Variants in CHD6 observed in about 807,000 individuals in gnomAD.
CHD6 encodes the protein ATP-dependent chromatin remodeler CHD6.
CHD6 carries 50 observed loss-of-function variants against 276.9 expected under a neutral mutation model. The observed-to-expected ratio is 0.18, with a 90% CI of 0.14 to 0.23. CHD6 has a LOEUF of 0.23. CHD6 is among the 10% of genes least tolerant of loss of function. CHD6 has a pLI of 1.00. For synonymous variants in CHD6, 1,173 were observed against 1,229.3 expected (o/e 0.95, Z 0.96); for missense variants, 2,564 against 3,365.8 (o/e 0.76, Z 5.89).
intron 34 of CHD6, chr20:41,414,119 G>A (rs1206845043): frequency 1.3e-5 from 2 of 152,304 alleles, no homozygotes; most frequent in Admixed American, 1.3e-4. Flanking sequence ...AAAGGTAAAA[G>A]ACTTCTTAAA....
In CHD6 at chr20:41,580,481, C is replaced by T. The variant is rs2045524343; in HGVS notation, c.-23-29121G>A. On this transcript the variant is annotated intron_variant, in intron 1 of 36. Coordinates refer to ENST00000373233, the MANE Select transcript of CHD6 (RefSeq NM_032221.5). ...ACCATACTGGGCAACATAAGGACGC[C>T]CCATCTCTAAAAAAAAATAAAAAAT... Among the ~76,000 whole-genome samples the T allele has an allele frequency of 2.6e-5, 4 of 151,438 alleles. 1 individual carries two copies. The highest frequency in any genetic ancestry group is 2.0e-4 in the Admixed American group (3 of 15,214).
chr20:41,589,184 C>T (rs2045629598), intron 1 of CHD6, among the ~76,000 whole-genome samples: 1 of 152,214 alleles, frequency 6.6e-6, no homozygotes, highest in Admixed American at 6.5e-5. Flanking sequence ...ATGCTAAAAA[C>T]TCTCAACAAA....
intron 1 of CHD6, among the ~76,000 whole-genome samples, chr20:41,582,214 T>C (rs994501662): frequency 1.3e-5 from 2 of 152,204 alleles, no homozygotes; most frequent in Non-Finnish European, 2.9e-5. Flanking sequence ...TACCTGCTTT[T>C]AAGAAATCAG....
intron 1 of CHD6, chr20:41,563,922 T>C (rs1025120111): frequency 2.9e-5 from 19 of 647,492 alleles, no homozygotes; most frequent in Non-Finnish European, 5.3e-5. Flanking sequence ...AACAACACTC[T>C]ATATATTCAG....
chr20:41,511,610 T>G (rs897957081), intron 5 of CHD6, among the ~76,000 whole-genome samples: 1 of 152,122 alleles, frequency 6.6e-6, no homozygotes, highest in African/African-American at 2.4e-5. Context: ...CTAAAAACCT[T>G]AGGTGATACT....
At chr20:41,439,346 A>T (rs932805441) in intron 26 of CHD6, among the ~76,000 whole-genome samples, 4 of 151,192 alleles carry the variant, frequency 2.6e-5, no homozygotes, top group Non-Finnish European at 4.4e-5. Flanking sequence ...ACAAAGCAAG[A>T]CTCTATCTCG....
At position 41,484,416 on chromosome 20, in the gene CHD6, C is replaced by T; in HGVS notation, c.2193G>A (p.Met731Ile). Residue 731 changes from methionine to isoleucine, a missense_variant, in exon 15 of 37, where the codon ATG becomes ATA. By Grantham distance (10) the Met-to-Ile change is conservative (BLOSUM62 1). Coordinates refer to ENST00000373233, the MANE Select transcript of CHD6 (RefSeq NM_032221.5). ...FLTKGANQHN[M>I]PNLINTMMEL... ...CCATCATGGTGTTGATGAGATTGGG[C>T]ATGTTGTGCTGATTTGCCCCCTTGG... is the stretch of plus-strand genomic sequence containing the variant. 1 of 1,613,836 alleles carries T rather than the reference C, an allele frequency of 6.2e-7. No individual in the cohort carries two copies. Among genetic ancestry groups the T allele is most frequent in the Non-Finnish European group, 8.5e-7 (1 of 1,179,828 alleles).
intron 16 of CHD6, among the ~76,000 whole-genome samples, chr20:41,480,950 T>TA (rs1214626767): frequency 6.6e-6 from 1 of 151,976 alleles, no homozygotes; most frequent in African/African-American, 2.4e-5. Flanking sequence ...GAAGAAGCCA[T>TA]AAACATGAAA....
At chr20:41,410,330 A>G (rs928733637) in intron 36 of CHD6, among the ~76,000 whole-genome samples, 2 of 152,190 alleles carry the variant, frequency 1.3e-5, no homozygotes, top group Non-Finnish European at 2.9e-5. Flanking sequence ...AGAAGACACC[A>G]GTCTGGATGA....
Position 41,415,274 on chromosome 20 carries a change from G to A in CHD6, c.6851C>T (p.Thr2284Met), listed in dbSNP as rs775015472. ...NGSLRRDDAATRRRRGRRKHV... is the reference protein window; with the variant it reads ...NGSLRRDDAAMRRRRGRRKHV... ...TTTCCGCCTCCCTCTCCGCCTCCTC[G>A]TGGCTGCATCATCTCTTCTGAGGCT... Residue 2284 changes from threonine to methionine, a missense_variant, in exon 34 of 37, where the codon ACG (threonine) becomes ATG (methionine). Around this residue, in one of 7 missense-constraint regions of CHD6, gnomAD observed 1,024 missense variants for 1,047.9 expected, o/e 0.98. Coordinates refer to ENST00000373233, the MANE Select transcript of CHD6 (RefSeq NM_032221.5). 1.9e-5 allele frequency: 31 copies of A among 1,614,022 alleles called. No homozygotes were observed. The highest frequency in any genetic ancestry group is 1.3e-5 in the African/African-American group (1 of 74,982).
chr20:41,540,451 T>C lies in CHD6; in HGVS notation c.34-6881A>G, dbSNP rs940956368. Among the ~76,000 whole-genome samples the C allele has an allele frequency of 3.9e-5, 6 of 152,222 alleles. No individual in the cohort carries two copies. In the East Asian group the frequency reaches 7.7e-4, roughly 20 times the overall value. ...CAGAAAAACTTTCATATACATGTAA[T>C]AGAAAAATTTTACAGACTTCTATAA... is the stretch of plus-strand genomic sequence containing the variant. On this transcript the variant is annotated intron_variant, in intron 2 of 36. Coordinates refer to ENST00000373233, the MANE Select transcript of CHD6 (RefSeq NM_032221.5).
intron 1 of CHD6, among the ~76,000 whole-genome samples, chr20:41,556,612 G>A (rs2146171253): frequency 6.6e-6 from 1 of 152,250 alleles, no homozygotes; most frequent in South Asian, 2.1e-4. Flanking sequence ...CTGAATGATG[G>A]CGATGTTACT....
intron 17 of CHD6, among the ~76,000 whole-genome samples, chr20:41,460,663 C>G (rs964581145): frequency 3.9e-5 from 6 of 152,220 alleles, no homozygotes; most frequent in African/African-American, 1.4e-4. Flanking sequence ...GGAACCTCCA[C>G]TTAAATTTTA....
intron 16 of CHD6, among the ~76,000 whole-genome samples, chr20:41,478,674 C>A (rs6129846): frequency 6.6e-6 from 1 of 152,076 alleles, no homozygotes; most frequent in Non-Finnish European, 1.5e-5. Context: ...CACACTTGCT[C>A]GGGCCTGATT....
Position 41,403,802 on chromosome 20 carries a change from C to CGT in CHD6, c.*789_*790dup, listed in dbSNP as rs1384819224. Reference sequence around the variant, plus strand: ...CGCTAGCCGTGTGCTTGTGAAGCAGCGTGTAGCTCTACGGAGCGCGGGTCC... The same window carrying CGT: ...CGCTAGCCGTGTGCTTGTGAAGCAGCGTGTGTAGCTCTACGGAGCGCGGGTCC... On this transcript the variant is annotated 3_prime_UTR_variant, in exon 37 of 37. Coordinates refer to ENST00000373233, the MANE Select transcript of CHD6 (RefSeq NM_032221.5). 9.5e-7 allele frequency: 1 copy of CGT among 1,057,958 alleles called. No individual in the cohort carries two copies. The highest frequency in any genetic ancestry group is 1.7e-5 in the African/African-American group (1 of 60,606). 65.5% of individuals were successfully genotyped at this position (1,057,958 alleles called of 1,614,324 possible).
intron 17 of CHD6, among the ~76,000 whole-genome samples, chr20:41,467,467 C>A (rs2042947052): frequency 6.8e-6 from 1 of 147,418 alleles, no homozygotes; most frequent in African/African-American, 2.5e-5. Context: ...AATTATAGTG[C>A]TCTAATTATA....
chr20:41,489,913 G>A lies in CHD6; in HGVS notation c.1545C>T (p.Ile515=), dbSNP rs149970572. 14 of 1,613,862 alleles carry A rather than the reference G, an allele frequency of 8.7e-6. No homozygotes were observed. Among genetic ancestry groups the A allele is most frequent in the South Asian group, 6.6e-5 (6 of 91,078 alleles). The change falls in exon 12 of 37, where the codon ATC becomes ATT. Residue 515 remains isoleucine, a synonymous_variant. Transcript: ENST00000373233. The part of the protein sequence containing the change: ...LRGIHGPFLI[I]APLSTITNWE... ...AGTTAGTGATGGTGGAGAGAGGGGC[G>A]ATAATGAGAAAAGGGCCGTGGATTC...
chr20:41,613,735 G>T (rs1038771232), intron 1 of CHD6, among the ~76,000 whole-genome samples: 3 of 152,198 alleles, frequency 2.0e-5, no homozygotes, highest in African/African-American at 4.8e-5. Flanking sequence ...TTGTATGCTG[G>T]TGGAAAGGTA....
intron 14 of CHD6, among the ~76,000 whole-genome samples, chr20:41,485,266 C>T (rs758213935): frequency 8.5e-5 from 13 of 152,248 alleles, no homozygotes; most frequent in Non-Finnish European, 1.9e-4. Context: ...CTGACTGCAC[C>T]AGCAAGGTGA....
Sources: allele counts gnomAD v4.1 joint callset (sites outside exome capture counted in the v4.1 genomes callset), GRCh38; gene constraint gnomAD v4.1.1; regional missense constraint gnomAD v4.1.1; transcripts MANE v1.5; gene names NCBI Gene and HGNC (gene_info 2026-07-23, HGNC 2026-07-21).